Variants in FBXL20 observed in about 807,000 individuals in gnomAD.
The protein encoded by FBXL20 is F-box and leucine rich repeat protein 20.
In FBXL20, 11 loss-of-function variants were observed where a neutral mutation model predicts 64.0. The observed-to-expected ratio is 0.17, with a 90% CI of 0.11 to 0.28. The LOEUF is 0.28. Ranked by LOEUF, FBXL20 falls within the 10% of genes least tolerant of loss-of-function variation. The pLI is 1.00. For synonymous variants in FBXL20, 184 were observed against 189.0 expected (o/e 0.97, Z 0.22); for missense variants, 303 against 526.2 (o/e 0.58, Z 4.15).
chr17:39,319,244 T>C lies in FBXL20; in HGVS notation c.105-15605A>G, dbSNP rs139049547. Among the ~76,000 whole-genome samples, 146 of 150,652 alleles carry C rather than the reference T, an allele frequency of 9.7e-4. 1 individual carries two copies. Among genetic ancestry groups the C allele is most frequent in the African/African-American group, 3.4e-3 (138 of 41,110 alleles). ...AGCCTGGCAACAGAGCAAGACTCCATCTCAAAAAAAAAAGAGAGAGAGAGA... is the reference window on the plus strand; with the variant it reads ...AGCCTGGCAACAGAGCAAGACTCCACCTCAAAAAAAAAAGAGAGAGAGAGA... On this transcript the variant is annotated intron_variant, in intron 2 of 14. Transcript: ENST00000264658.
In FBXL20 at chr17:39,285,573, A is replaced by G; in HGVS notation, c.399T>C (p.Ala133=). Residue 133 remains alanine, a splice_region_variant and synonymous_variant, in exon 7 of 15, where the codon GCT becomes GCC. Transcript: ENST00000264658. ...NLNGCTKTTD[A]TCTSLSKFCS... Reference sequence around the variant, plus strand: ...AGAACTTGCTAAGGCTAGTACATGTACTGAAAAATGGAAAAAGGAGAAAAT... The same window carrying G: ...AGAACTTGCTAAGGCTAGTACATGTGCTGAAAAATGGAAAAAGGAGAAAAT... 6.3e-7 allele frequency: 1 copy of G among 1,589,634 alleles called. No homozygotes were observed.
intron 1 of FBXL20, among the ~76,000 whole-genome samples, chr17:39,378,501 T>C (rs543441652): frequency 2.3e-4 from 35 of 152,152 alleles, no homozygotes; most frequent in African/African-American, 8.4e-4. Context: ...ACAAAGGAGA[T>C]AGACAAAGCC....
intron 1 of FBXL20, among the ~76,000 whole-genome samples, chr17:39,354,775 A>G (rs757485021): frequency 1.3e-4 from 20 of 152,232 alleles, no homozygotes; most frequent in South Asian, 1.2e-3. Flanking sequence ...AGCAAATAAG[A>G]TATGAATGAT....
chr17:39,270,277 CTCACG>C (rs543415210), intron 11 of FBXL20, among the ~76,000 whole-genome samples: 244 of 152,294 alleles, frequency 1.6e-3, no homozygotes, highest in African/African-American at 5.7e-3. Flanking sequence ...GGTGCAGTGG[CTCACG>C]TCTGTAATCT....
chr17:39,316,454 T>C (rs996032837), intron 2 of FBXL20, among the ~76,000 whole-genome samples: 6 of 151,856 alleles, frequency 4.0e-5, no homozygotes, highest in South Asian at 2.1e-4. Flanking sequence ...CTTGGAGAAA[T>C]AGGGCAGAGA....
At chr17:39,288,621 C>T (rs1383071738) in intron 6 of FBXL20, among the ~76,000 whole-genome samples, 3 of 151,770 alleles carry the variant, frequency 2.0e-5, no homozygotes, top group Non-Finnish European at 4.4e-5. Context: ...TGGCCTTTTC[C>T]GATTATTATT....
At position 39,401,402 on chromosome 17, in the gene FBXL20, T is replaced by TG; in HGVS notation, c.-1dup. 1 of 1,606,734 alleles carries TG rather than the reference T, an allele frequency of 6.2e-7. No individual in the cohort carries two copies. Among genetic ancestry groups the TG allele is most frequent in the East Asian group, 2.3e-5 (1 of 44,240 alleles). On this transcript the variant is annotated 5_prime_UTR_variant, in exon 1 of 15. Transcript: ENST00000264658. The stretch of plus-strand genomic sequence containing the variant: ...GTCACTCCGTTCACGTCCCTCCTCA[T>TG]GGGGCCGGCGGGTGCGGCCCGGGCC...
At position 39,397,855 on chromosome 17, in the gene FBXL20, C is replaced by CA. The variant is rs35527543; in HGVS notation, c.42+3505dup. Among the ~76,000 whole-genome samples the CA allele has an allele frequency of 6.2e-3, 870 of 140,192 alleles. 9 individuals carry two copies. The highest frequency in any genetic ancestry group is 0.019 in the African/African-American group (744 of 38,880). 92.0% of individuals were successfully genotyped at this position (140,192 alleles called of 152,430 possible). A position where few individuals can be genotyped will look rare whatever the true frequency, so the allele number is the denominator to read the frequency against. ...AAAAAAAGCAGGATGACAGTGGAGT[C>CA]AAAAAAAAAAAATGCAGATTGGAAT... On this transcript the variant is annotated intron_variant, in intron 1 of 14. Coordinates refer to ENST00000264658, the MANE Select transcript of FBXL20 (RefSeq NM_032875.3).
At position 39,260,885 on chromosome 17, in the gene FBXL20, A is replaced by C. The variant is rs1423315223; in HGVS notation, c.*575T>G. 6.4e-6 allele frequency: 1 copy of C among 155,764 alleles called. No homozygotes were observed. The highest frequency in any genetic ancestry group is 1.4e-5 in the Non-Finnish European group (1 of 69,876). The allele number at this position is 155,764 out of a possible 1,614,324, so 9.6% of individuals were successfully genotyped here. A position where few individuals can be genotyped will look rare whatever the true frequency, so the allele number is the denominator to read the frequency against. On this transcript the variant is annotated 3_prime_UTR_variant, in exon 15 of 15. Coordinates refer to ENST00000264658, the MANE Select transcript of FBXL20 (RefSeq NM_032875.3). The stretch of plus-strand genomic sequence containing the variant: ...TTAGGAAACCTCTGGGCCAAATACT[A>C]AAACACAGGAGGAATGGACGAGCCT...
chr17:39,371,192 G>A (rs935682714), intron 1 of FBXL20, among the ~76,000 whole-genome samples: 4 of 152,100 alleles, frequency 2.6e-5, no homozygotes, highest in Admixed American at 6.6e-5. Flanking sequence ...CAATGAGGGC[G>A]AAACTCCACC....
intron 2 of FBXL20, among the ~76,000 whole-genome samples, chr17:39,332,040 CAATT>C (rs1327468694): frequency 3.3e-5 from 5 of 152,166 alleles, no homozygotes; most frequent in Admixed American, 2.0e-4. Context: ...ATTGTGTCCT[CAATT>C]AACAGCAAGT....
intron 2 of FBXL20, among the ~76,000 whole-genome samples, chr17:39,319,934 C>T (rs1237869336): frequency 6.6e-6 from 1 of 152,056 alleles, no homozygotes; most frequent in Non-Finnish European, 1.5e-5. Flanking sequence ...AAGTCTAATA[C>T]TGTGTATTAC....
At chr17:39,342,661 G>C (rs989410987) in intron 2 of FBXL20, among the ~76,000 whole-genome samples, 2 of 152,126 alleles carry the variant, frequency 1.3e-5, no homozygotes, top group African/African-American at 4.8e-5. Flanking sequence ...AGCTTGCAGT[G>C]AGCTGAGATT....
rs1429933857 is a variant in FBXL20, at chr17:39,258,889, T to A, written c.*2571A>T. The A allele has an allele frequency of 2.0e-5, 3 of 152,232 alleles. No homozygotes were observed. Among genetic ancestry groups the A allele is most frequent in the African/African-American group, 7.2e-5 (3 of 41,462 alleles). 9.4% of individuals were successfully genotyped at this position (152,232 alleles called of 1,614,324 possible). On this transcript the variant is annotated 3_prime_UTR_variant, in exon 15 of 15. Transcript: ENST00000264658. ...GTGTATGCACGTATGTATTTTTATG[T>A]GTAGGGGTACAGACAAGAAACTGAG...
At chr17:39,343,814 G>A (rs1273389726) in intron 1 of FBXL20, among the ~76,000 whole-genome samples, 1 of 151,502 alleles carries the variant, frequency 6.6e-6, no homozygotes, top group Non-Finnish European at 1.5e-5. Context: ...TCCTGCTTCA[G>A]TCTCCTGGGT....
At chr17:39,327,193 G>A (rs2047417136) in intron 2 of FBXL20, among the ~76,000 whole-genome samples, 2 of 152,110 alleles carry the variant, frequency 1.3e-5, no homozygotes, top group South Asian at 2.1e-4. Flanking sequence ...GCCCTGTCTT[G>A]GCCTTTAAAA....
chr17:39,348,109 A>G, intron 1 of FBXL20, among the ~76,000 whole-genome samples: 1 of 145,378 alleles, frequency 6.9e-6, no homozygotes, highest in African/African-American at 2.6e-5. Context: ...TGGTAGAGAG[A>G]GAGTCTCGCA....
chr17:39,290,715 C>T (rs1042228689), intron 6 of FBXL20, among the ~76,000 whole-genome samples: 4 of 152,006 alleles, frequency 2.6e-5, no homozygotes, highest in African/African-American at 9.7e-5. Flanking sequence ...AGGTGTGCGC[C>T]ACCATGCCCA....
At chr17:39,271,597 C>CAAAA (rs11362087) in intron 10 of FBXL20, among the ~76,000 whole-genome samples, 5 of 50,776 alleles carry the variant, frequency 9.8e-5, no homozygotes, top group East Asian at 8.0e-4. Context: ...GGCTCCGACT[C>CAAAA]AAAAAAAAAA....
Sources: allele counts gnomAD v4.1 joint callset (sites outside exome capture counted in the v4.1 genomes callset), GRCh38; gene constraint gnomAD v4.1.1; transcripts MANE v1.5; gene names NCBI Gene and HGNC (gene_info 2026-07-23, HGNC 2026-07-21).